Variants in SHROOM3 observed in about 807,000 individuals in gnomAD.
The protein encoded by SHROOM3 is protein Shroom3.
SHROOM3 carries 47 observed loss-of-function variants against 138.6 expected under a neutral mutation model. The observed-to-expected ratio is 0.34, with a 90% CI of 0.27 to 0.43. The LOEUF (loss-of-function observed/expected upper bound fraction) is 0.43, where lower values mean the gene tolerates loss of function less well. Among genes scored for constraint, SHROOM3 ranks in the 20% least tolerant of loss-of-function variants. The probability of loss-of-function intolerance (pLI) is 1.00; values close to 1 mark genes in which losing one functional copy is unlikely to be tolerated. For synonymous variants in SHROOM3, 1,062 were observed against 1,063.3 expected, an observed-to-expected ratio of 1.00 and a Z score of 0.02; for missense variants, 2,491 against 2,596.5, an observed-to-expected ratio of 0.96 and a Z score of 0.88.
chr4:76,493,234 A>G (rs1731894190), intron 1 of SHROOM3, among the ~76,000 whole-genome samples: 1 of 152,026 alleles, frequency 6.6e-6, no homozygotes, highest in South Asian at 2.1e-4. Flanking sequence ...CAAAAAAAAA[A>G]AAAAAAAAAA....
At chr4:76,627,086 C>T (rs1178406355) in intron 2 of SHROOM3, among the ~76,000 whole-genome samples, 1 of 152,160 alleles carries the variant, frequency 6.6e-6, no homozygotes, top group Non-Finnish European at 1.5e-5. Flanking sequence ...AGCCATATTA[C>T]AGTATATAGA....
intron 2 of SHROOM3, among the ~76,000 whole-genome samples, chr4:76,593,628 CT>C (rs1560557552): frequency 6.6e-6 from 1 of 152,150 alleles, no homozygotes; most frequent in African/African-American, 2.4e-5. Context: ...AAAGTAAACT[CT>C]TTTTAAAAAT....
chr4:76,636,734 G>A (rs1171091030), intron 2 of SHROOM3, among the ~76,000 whole-genome samples: 1 of 152,232 alleles, frequency 6.6e-6, no homozygotes, highest in Non-Finnish European at 1.5e-5. Flanking sequence ...GTCTGAATGA[G>A]CATGGGTTTG....
At chr4:76,715,778 G>A (rs1221173089) in intron 3 of SHROOM3, among the ~76,000 whole-genome samples, 1 of 152,200 alleles carries the variant, frequency 6.6e-6, no homozygotes, top group Non-Finnish European at 1.5e-5. Context: ...TCCCTTGGCA[G>A]TGAGTTCTGT....
chr4:76,626,830 T>C (rs1285594522), intron 2 of SHROOM3, among the ~76,000 whole-genome samples: 1 of 152,194 alleles, frequency 6.6e-6, no homozygotes, highest in Non-Finnish European at 1.5e-5. Context: ...CTTCCTCAAT[T>C]AAAGCACTAT....
chr4:76,559,444 G>C (rs1041205525), intron 2 of SHROOM3: 2 of 152,110 alleles, frequency 1.3e-5, no homozygotes, highest in Non-Finnish European at 1.5e-5. Context: ...AGTGACTAAG[G>C]ACATTTCATT....
At chr4:76,639,394 G>A (rs1735596342) in intron 2 of SHROOM3, 1 of 392,872 alleles carries the variant, frequency 2.5e-6, no homozygotes, top group Non-Finnish European at 4.5e-6. Context: ...GTCTATTGCT[G>A]CAAATTGGTG....
rs1456756770 is a variant in SHROOM3, at chr4:76,550,180, AT to A, written c.169-5428del. Reference sequence around the variant, plus strand: ...CAATGATATGAAATATATTAAAAGTATACTAGAATATAAACTCTGGGAAAGG... The same window carrying A: ...CAATGATATGAAATATATTAAAAGTAACTAGAATATAAACTCTGGGAAAGG... On this transcript the variant is annotated intron_variant, in intron 1 of 10. Coordinates refer to ENST00000296043, the MANE Select transcript of SHROOM3 (RefSeq NM_020859.4). Among the ~76,000 whole-genome samples the A allele has an allele frequency of 1.6e-4, 24 of 152,358 alleles. 1 individual carries two copies. The East Asian group carries it at 4.6e-3, about 29-fold the overall frequency.
chr4:76,647,838 G>A lies in SHROOM3; in HGVS notation c.324-62318G>A, dbSNP rs143141511. Reference sequence around the variant, plus strand: ...TTGAGCCCTGGAGGTTGAGTCTGTGGTGAGCAGTGATCATGTACAAGCTGC... The same window carrying A: ...TTGAGCCCTGGAGGTTGAGTCTGTGATGAGCAGTGATCATGTACAAGCTGC... On this transcript the variant is annotated intron_variant, in intron 2 of 10. Coordinates refer to ENST00000296043, the MANE Select transcript of SHROOM3 (RefSeq NM_020859.4). Among the ~76,000 whole-genome samples the A allele has an allele frequency of 4.1e-3, 630 of 151,920 alleles. 4 individuals are homozygous for A. The highest frequency in any genetic ancestry group is 6.5e-3 in the Non-Finnish European group (444 of 67,970).
At chr4:76,451,557 A>G (rs566513791) in intron 1 of SHROOM3, among the ~76,000 whole-genome samples, 1 of 152,346 alleles carries the variant, frequency 6.6e-6, no homozygotes, top group East Asian at 1.9e-4. Flanking sequence ...CTTTTGATGC[A>G]TGAAAGTTGT....
At chr4:76,513,579 A>G (rs1411102787) in intron 1 of SHROOM3, among the ~76,000 whole-genome samples, 1 of 152,166 alleles carries the variant, frequency 6.6e-6, no homozygotes, top group African/African-American at 2.4e-5. Context: ...CTTCCAAAGC[A>G]CTGGGATTAC....
Position 76,740,034 on chromosome 4 carries a change from A to G in SHROOM3, c.1861A>G (p.Arg621Gly), listed in dbSNP as rs140590590. ...AGCGGGTGAAGACAAGAGATCTTCC[A>G]GGCTCTCAGAGCCCTGGGAGGGCGA... ...WQAGEDKRSS[R>G]LSEPWEGDFQ... The change falls in exon 5 of 11, where the codon AGG becomes GGG. Residue 621 changes from arginine (R) to glycine (G), a missense_variant. Physicochemically the swap from Arg to Gly is moderately radical, Grantham distance 125 (BLOSUM62 -2). This residue lies in a region of SHROOM3 where 1,733 missense variants were observed against 1,661.6 expected (regional missense o/e 1.04). Coordinates refer to ENST00000296043, the MANE Select transcript of SHROOM3 (RefSeq NM_020859.4). This position sits in a 1 kb window ranked among gnomAD's most constrained non-coding sequence, Gnocchi z 4.0. 6.8e-5 allele frequency: 109 copies of G among 1,613,916 alleles called. No individual in the cohort carries two copies. Among genetic ancestry groups the G allele is most frequent in the Non-Finnish European group, 8.6e-5 (101 of 1,180,036 alleles).
At chr4:76,716,362 T>G (rs754982338) in intron 3 of SHROOM3, 8 of 518,846 alleles carry the variant, frequency 1.5e-5, no homozygotes, top group Non-Finnish European at 2.7e-5. Flanking sequence ...GAATATGACA[T>G]CCAATTGGCC....
chr4:76,586,744 A>G (rs1734163237), intron 2 of SHROOM3, among the ~76,000 whole-genome samples: 1 of 152,240 alleles, frequency 6.6e-6, no homozygotes, highest in African/African-American at 2.4e-5. Context: ...GAGAAGCTCA[A>G]ATGATAACAG....
chr4:76,574,576 C>A lies in SHROOM3; in HGVS notation c.323+18813C>A, dbSNP rs1733899585. ...GACAGACCGGATACTCCCTCTTAAT[C>A]TAATTGATTGATTAGCTACATAAAC... On this transcript the variant is annotated intron_variant, in intron 2 of 10. Coordinates refer to ENST00000296043, the MANE Select transcript of SHROOM3 (RefSeq NM_020859.4). 2.0e-5 allele frequency among the ~76,000 whole-genome samples: 3 copies of A among 152,090 alleles called. 1 individual carries two copies. In the South Asian group the frequency reaches 6.2e-4, roughly 32 times the overall value.
intron 2 of SHROOM3, among the ~76,000 whole-genome samples, chr4:76,592,444 A>C (rs1483188765): frequency 6.6e-6 from 1 of 152,246 alleles, no homozygotes; most frequent in South Asian, 2.1e-4. Flanking sequence ...ACCACTACAT[A>C]GTCTAGGATT....
intron 2 of SHROOM3, among the ~76,000 whole-genome samples, chr4:76,660,548 T>G (rs1182439775): frequency 6.6e-6 from 1 of 152,186 alleles, no homozygotes; most frequent in African/African-American, 2.4e-5. Context: ...CAATCTCGGC[T>G]CACTGCAACC....
chr4:76,713,677 T>C (rs1409010480), intron 3 of SHROOM3, among the ~76,000 whole-genome samples: 3 of 152,260 alleles, frequency 2.0e-5, no homozygotes, highest in Non-Finnish European at 4.4e-5. Flanking sequence ...CATGATTGTA[T>C]GTACTGTACT....
At chr4:76,473,597 A>T (rs1332750816) in intron 1 of SHROOM3, among the ~76,000 whole-genome samples, 1 of 152,206 alleles carries the variant, frequency 6.6e-6, no homozygotes, top group Non-Finnish European at 1.5e-5. Context: ...CAACAGAGCA[A>T]GACTCTGTCT....
Sources: gnomAD v4.1 joint callset for allele counts (sites outside exome capture counted in the v4.1 genomes callset) on GRCh38, gnomAD v4.1.1 for gene constraint, gnomAD v4.1.1 regional missense constraint, Gnocchi (gnomAD v3.1) non-coding constraint, MANE v1.5 for transcripts, NCBI Gene and HGNC (gene_info 2026-07-23, HGNC 2026-07-21) for gene names.